POU1F1: variants seen among roughly 807,000 people sequenced by gnomAD.
The protein encoded by POU1F1 is POU class 1 homeobox 1.
POU1F1 carries 23 observed loss-of-function variants against 32.3 expected under a neutral mutation model. The ratio of observed to expected loss-of-function variants is 0.71; its 90% CI spans 0.51 to 1.01. The LOEUF (loss-of-function observed/expected upper bound fraction) is 1.01, where lower values mean the gene tolerates loss of function less well. Among genes scored for constraint, POU1F1 ranks in the 50% least tolerant of loss-of-function variants. The pLI, the probability that POU1F1 is intolerant of heterozygous loss-of-function variation, is 0.00. For synonymous variants in POU1F1, 120 were observed against 115.6 expected (o/e 1.04, Z -0.25); for missense variants, 323 against 341.6 (o/e 0.95, Z 0.43).
At position 87,267,147 on chromosome 3, in the gene POU1F1, A is replaced by G. The variant is rs200348370; in HGVS notation, c.215-2635T>C. ...AAATTTGTTATCAATTATTATTATT[A>G]TTTTCAATTTCTCTTGCTGATCATA... On this transcript the variant is annotated intron_variant, in intron 2 of 5. Coordinates refer to ENST00000350375, the MANE Select transcript of POU1F1 (RefSeq NM_000306.4). Among the ~76,000 whole-genome samples the G allele has an allele frequency of 9.2e-5, 14 of 152,206 alleles. No homozygotes were observed. In the East Asian group the frequency reaches 2.5e-3, roughly 27 times the overall value.
chr3:87,276,238 A>T, intron 1 of POU1F1, 83 bp downstream of exon 1: 1 of 1,504,754 alleles, frequency 6.6e-7, no homozygotes, highest in Non-Finnish European at 9.3e-7. Flanking sequence ...AGATGCAAAG[A>T]GATTATTAAC....
chr3:87,276,066 T>C (rs1277214163), intron 1 of POU1F1, among the ~76,000 whole-genome samples: 1 of 152,186 alleles, frequency 6.6e-6, no homozygotes, highest in Non-Finnish European at 1.5e-5. Flanking sequence ...CATTCTTTTC[T>C]TATGTAGAAA....
intron 4 of POU1F1, among the ~76,000 whole-genome samples, 197 bp downstream of exon 4, chr3:87,261,874 T>G (rs1210551701): frequency 6.6e-6 from 1 of 152,198 alleles, no homozygotes; most frequent in African/African-American, 2.4e-5. Flanking sequence ...CTCAATAAAT[T>G]TATTTCCACA....
intron 3 of POU1F1, among the ~76,000 whole-genome samples, chr3:87,262,785 G>A (rs1368226478): frequency 1.3e-5 from 2 of 151,948 alleles, no homozygotes; most frequent in Non-Finnish European, 2.9e-5. Flanking sequence ...ATACTTCTGA[G>A]CCCATTTTAT....
rs573449129 is a variant in POU1F1 at position 87,270,481 on chromosome 3, C to T, written c.214+2866G>A. ...TGACAAAATATTAGTTATAGCTCTT[C>T]TTTTCCTGTGAGTTATTAATTTAAT... On this transcript the variant is annotated intron_variant, in intron 2 of 5. Transcript: ENST00000350375. Among the ~76,000 whole-genome samples, 6 of 152,236 alleles carry T rather than the reference C, an allele frequency of 3.9e-5. 1 individual carries two copies. The highest frequency in any genetic ancestry group is 1.4e-4 in the African/African-American group (6 of 41,550).
rs764138369 is a variant in POU1F1, at chr3:87,264,317, T to C, written c.410A>G (p.Asn137Ser). Residue 137 changes from asparagine (N) to serine (S), a missense_variant, in exon 3 of 6, where the codon AAT (asparagine) becomes AGT (serine). Coordinates refer to ENST00000350375, the MANE Select transcript of POU1F1 (RefSeq NM_000306.4). Reference protein sequence around the residue: ...PEIRELEKFANEFKVRRIKLG... With the variant: ...PEIRELEKFASEFKVRRIKLG... Reference sequence around the variant, plus strand: ...TTTAATTCGTCTCACTTTAAATTCATTGGCAAACTTTTCAAGTTCTCTGAT... The same window carrying C: ...TTTAATTCGTCTCACTTTAAATTCACTGGCAAACTTTTCAAGTTCTCTGAT... 6.2e-7 allele frequency: 1 copy of C among 1,613,732 alleles called. No homozygotes were observed. The highest frequency in any genetic ancestry group is 8.5e-7 in the Non-Finnish European group (1 of 1,179,666).
chr3:87,261,457 C>A, intron 4 of POU1F1, 124 bp from the exon 5 acceptor site: 2 of 776,430 alleles, frequency 2.6e-6, no homozygotes, highest in South Asian at 1.7e-5. Context: ...ACATTTTTGT[C>A]TTAAATTTTT....
Position 87,276,375 on chromosome 3 carries a change from T to G in POU1F1, c.88A>C (p.Ser30Arg), listed in dbSNP as rs745659872. Residue 30 changes from serine to arginine, a missense_variant, in exon 1 of 6, where the codon AGT (serine) becomes CGT (arginine). Physicochemically the swap from Ser to Arg is moderately radical, Grantham distance 110 (BLOSUM62 -1). Coordinates refer to ENST00000350375, the MANE Select transcript of POU1F1 (RefSeq NM_000306.4). ...GAGACTGGTAGACACTCGGCAGCAC[T>G]GTGATGCATTATCAGAGGCAGAGTT... Reference protein sequence around the residue: ...SATLPLIMHHSAAECLPVSNH... With the variant: ...SATLPLIMHHRAAECLPVSNH... 43 of 1,614,006 alleles carry G rather than the reference T, an allele frequency of 2.7e-5. No individual in the cohort carries two copies. Among genetic ancestry groups the G allele is most frequent in the Non-Finnish European group, 3.6e-5 (43 of 1,179,912 alleles).
At chr3:87,270,632 G>T (rs1706706140) in intron 2 of POU1F1, among the ~76,000 whole-genome samples, 2 of 152,136 alleles carry the variant, frequency 1.3e-5, no homozygotes, top group African/African-American at 4.8e-5. Context: ...TAGAGTATGT[G>T]ACACCGTGTC....
Position 87,261,473 on chromosome 3 carries a change from C to A in POU1F1, c.605-140G>T. 9.1e-6 allele frequency: 6 copies of A among 660,802 alleles called. No homozygotes were observed. The South Asian group carries it at 9.4e-5, about 10-fold the overall frequency. The allele number at this position is 660,802 out of a possible 1,614,324, so 40.9% of individuals were successfully genotyped here. ...CATTTTTGTCTTAAATTTTTGCAGT[C>A]TTTTTCTATTACAGACCTTAGAGAA... is the stretch of plus-strand genomic sequence containing the variant. On this transcript the variant is annotated intron_variant, in intron 4 of 5. Transcript: ENST00000350375.
At chr3:87,266,311 T>G (rs961322002) in intron 2 of POU1F1, among the ~76,000 whole-genome samples, 13 of 146,572 alleles carry the variant, frequency 8.9e-5, no homozygotes, top group Non-Finnish European at 2.0e-4. Flanking sequence ...TAATGTATTA[T>G]TTATATAAAA....
Position 87,259,779 on chromosome 3 carries a change from T to G in POU1F1, c.*115A>C. On this transcript the variant is annotated 3_prime_UTR_variant, in exon 6 of 6. Transcript: ENST00000350375. ...TAAAAAAAAGTGGAAAAGTAAAGCT[T>G]CTGTAAAAGCTATTGATATAAAATG... 1 of 838,688 alleles carries G rather than the reference T, an allele frequency of 1.2e-6. No homozygotes were observed. Among genetic ancestry groups the G allele is most frequent in the Non-Finnish European group, 1.9e-6 (1 of 530,850 alleles). 52.0% of individuals were successfully genotyped at this position (838,688 alleles called of 1,614,324 possible).
At chr3:87,261,187 A>G in intron 5 of POU1F1, 86 bp downstream of exon 5, 2 of 1,009,162 alleles carry the variant, frequency 2.0e-6, no homozygotes, top group Non-Finnish European at 3.0e-6. Context: ...TTTATATGTT[A>G]TGTTACACCT....
chr3:87,263,609 G>T (rs1179562680), intron 3 of POU1F1, among the ~76,000 whole-genome samples: 2 of 152,034 alleles, frequency 1.3e-5, no homozygotes, highest in African/African-American at 4.8e-5. Context: ...AAGCAATTGT[G>T]CTTCTAACAT....
chr3:87,271,058 A>G (rs1346704007), intron 2 of POU1F1, among the ~76,000 whole-genome samples: 1 of 152,112 alleles, frequency 6.6e-6, no homozygotes, highest in Non-Finnish European at 1.5e-5. Context: ...TTTAATCTTA[A>G]GACCACAGTG....
At chr3:87,266,239 A>T (rs9823893) in intron 2 of POU1F1, among the ~76,000 whole-genome samples, 4,730 of 146,790 alleles carry the variant, frequency 0.032, 112 homozygotes, top group Non-Finnish European at 0.044. Context: ...TAATTTATTT[A>T]TATAAAATTT....
At chr3:87,273,814 CTCGCCGACTAGA>C (rs1235228455) in intron 1 of POU1F1, among the ~76,000 whole-genome samples, 2 of 152,142 alleles carry the variant, frequency 1.3e-5, no homozygotes, top group Non-Finnish European at 2.9e-5. Flanking sequence ...GACATTGCAA[CTCGCCGACTAGA>C]AGAATAGTCC....
Position 87,261,189 on chromosome 3 carries a change from G to A in POU1F1, c.665+84C>T, listed in dbSNP as rs557581480. 570 of 1,031,390 alleles carry A rather than the reference G, an allele frequency of 5.5e-4. 3 individuals carry two copies. In the African/African-American group the frequency reaches 7.1e-3, roughly 13 times the overall value. The allele number at this position is 1,031,390 out of a possible 1,614,324, so 63.9% of individuals were successfully genotyped here. On this transcript the variant is annotated intron_variant, in intron 5 of 5. Coordinates refer to ENST00000350375, the MANE Select transcript of POU1F1 (RefSeq NM_000306.4). Reference sequence around the variant, plus strand: ...AATTCACCTTACATTTATATGTTATGTTACACCTGCATTACACTCAAATGC... The same window carrying A: ...AATTCACCTTACATTTATATGTTATATTACACCTGCATTACACTCAAATGC...
At chr3:87,273,915 T>G (rs1297981924) in intron 1 of POU1F1, among the ~76,000 whole-genome samples, 1 of 152,204 alleles carries the variant, frequency 6.6e-6, no homozygotes, top group African/African-American at 2.4e-5. Context: ...AACAGCGTAT[T>G]TTTGCTTATT....
Sources: gnomAD v4.1 joint callset for allele counts (sites outside exome capture counted in the v4.1 genomes callset) on GRCh38, gnomAD v4.1.1 for gene constraint, MANE v1.5 for transcripts, NCBI Gene and HGNC (gene_info 2026-07-23, HGNC 2026-07-21) for gene names.